Variants in ADGRL4 observed in about 807,000 individuals in gnomAD.
ADGRL4 encodes the protein adhesion G protein-coupled receptor L4.
In ADGRL4, 90 loss-of-function variants were observed where a neutral mutation model predicts 74.8. The observed-to-expected ratio is 1.20, with a 90% confidence interval of 1.02 to 1.43. The LOEUF (loss-of-function observed/expected upper bound fraction) is 1.43, where lower values mean the gene tolerates loss of function less well. Among genes scored for constraint, ADGRL4 ranks in the 40% most tolerant of loss-of-function variants. ADGRL4 has a pLI of 0.00. For synonymous variants in ADGRL4, 311 were observed against 279.2 expected (o/e 1.11, Z -1.14); for missense variants, 881 against 814.3 (o/e 1.08, Z -1.00).
At chr1:78,968,674 C>T (rs184992000) in intron 2 of ADGRL4, among the ~76,000 whole-genome samples, 165 of 152,076 alleles carry the variant, frequency 1.1e-3, no homozygotes, top group African/African-American at 3.5e-3. Flanking sequence ...GTGAGGAGCC[C>T]GGGTTGCTAG....
intron 2 of ADGRL4, among the ~76,000 whole-genome samples, chr1:78,982,154 A>T (rs1455710829): frequency 6.6e-6 from 1 of 151,912 alleles, no homozygotes; most frequent in Non-Finnish European, 1.5e-5. Context: ...TCACTAAAAC[A>T]CTTTCTAACT....
chr1:79,004,390 G>T (rs776399516), intron 2 of ADGRL4, among the ~76,000 whole-genome samples: 1 of 151,996 alleles, frequency 6.6e-6, no homozygotes, highest in African/African-American at 2.4e-5. Context: ...TGGGGTAGAG[G>T]TGACAACTAC....
At chr1:78,940,353 G>A (rs1389725489) in intron 3 of ADGRL4, among the ~76,000 whole-genome samples, 1 of 151,862 alleles carries the variant, frequency 6.6e-6, no homozygotes. Context: ...TTTTACTATG[G>A]TTCTTCATAC....
intron 8 of ADGRL4, among the ~76,000 whole-genome samples, chr1:78,923,220 G>A (rs903547696): frequency 2.0e-5 from 3 of 152,044 alleles, no homozygotes; most frequent in African/African-American, 7.2e-5. Flanking sequence ...GTGATTGTGC[G>A]TACCATTCAA....
chr1:78,976,911 T>C (rs1427535715), intron 2 of ADGRL4, among the ~76,000 whole-genome samples: 1 of 151,748 alleles, frequency 6.6e-6, no homozygotes, highest in East Asian at 1.9e-4. Flanking sequence ...AAGGAAATCC[T>C]TTCCATTTTA....
chr1:78,965,231 G>A (rs1650031239), intron 2 of ADGRL4, among the ~76,000 whole-genome samples: 1 of 152,026 alleles, frequency 6.6e-6, no homozygotes, highest in Non-Finnish European at 1.5e-5. Context: ...TCATATAAAT[G>A]TGACCCAATA....
Position 79,003,387 on chromosome 1 carries a change from T to C in ADGRL4, c.172+1683A>G, listed in dbSNP as rs375010268. Among the ~76,000 whole-genome samples, 268 of 144,564 alleles carry C rather than the reference T, an allele frequency of 1.9e-3. 1 individual carries two copies. The highest frequency in any genetic ancestry group is 6.2e-3 in the African/African-American group (240 of 38,522). The allele number at this position is 144,564 out of a possible 152,430, so 94.8% of individuals were successfully genotyped here. On this transcript the variant is annotated intron_variant, in intron 2 of 14. Transcript: ENST00000370742. ...AACATCAAAACAAGTGTATATGGAG[T>C]TTTTTTTTTTAAACAGAAAGGGAAT...
At position 78,937,870 on chromosome 1, in the gene ADGRL4, T is replaced by C; in HGVS notation, c.697A>G (p.Thr233Ala). ...TKLMHTVEQATLRISQSFQKT... is the reference protein window; with the variant it reads ...TKLMHTVEQAALRISQSFQKT... ...TGGAAGCTCTGGGATATCCTTAAAG[T>C]AGCTTGTTCAACAGTGTGCATGAGT... Residue 233 changes from threonine to alanine, a missense_variant, in exon 6 of 15, where the codon ACT becomes GCT. Physicochemically the swap from Thr to Ala is moderately conservative, Grantham distance 58. Transcript: ENST00000370742. 2 of 1,614,032 alleles carry C rather than the reference T, an allele frequency of 1.2e-6. No individual in the cohort carries two copies. The highest frequency in any genetic ancestry group is 1.7e-6 in the Non-Finnish European group (2 of 1,179,948).
intron 13 of ADGRL4, 58 bp from the exon 14 acceptor site, chr1:78,891,750 CA>C (rs1416856179): frequency 4.8e-5 from 68 of 1,419,462 alleles, no homozygotes; most frequent in Middle Eastern, 1.8e-4. Context: ...ACATATCTCC[CA>C]AATTACTCAA....
intron 12 of ADGRL4, among the ~76,000 whole-genome samples, chr1:78,911,621 A>G (rs1648764910): frequency 1.7e-4 from 1 of 5,870 alleles, no homozygotes; most frequent in African/African-American, 1.1e-3. Flanking sequence ...CTAAACACAC[A>G]CACACACACA....
intron 2 of ADGRL4, among the ~76,000 whole-genome samples, chr1:78,995,744 A>G: frequency 6.6e-6 from 1 of 152,260 alleles, no homozygotes; most frequent in East Asian, 1.9e-4. Flanking sequence ...TTGTAGGGAC[A>G]TCAATAAAGA....
chr1:78,898,445 C>A (rs893772334), intron 12 of ADGRL4, among the ~76,000 whole-genome samples: 6 of 151,762 alleles, frequency 4.0e-5, no homozygotes, highest in Non-Finnish European at 8.8e-5. Flanking sequence ...AATGTTAGTG[C>A]CAAAAAAGCA....
At chr1:78,941,838 A>T (rs532192004) in intron 3 of ADGRL4, among the ~76,000 whole-genome samples, 1 of 152,262 alleles carries the variant, frequency 6.6e-6, no homozygotes, top group South Asian at 2.1e-4. Flanking sequence ...GCTAATTAGA[A>T]GATCTAAATT....
At chr1:78,905,650 G>A (rs1648619552) in intron 12 of ADGRL4, among the ~76,000 whole-genome samples, 2 of 151,850 alleles carry the variant, frequency 1.3e-5, no homozygotes, top group South Asian at 2.1e-4. Flanking sequence ...TCTAGAATCC[G>A]AGGTCCACAA....
At chr1:78,963,414 C>T (rs1649992990) in intron 2 of ADGRL4, among the ~76,000 whole-genome samples, 1 of 152,098 alleles carries the variant, frequency 6.6e-6, no homozygotes, top group South Asian at 2.1e-4. Flanking sequence ...CTGAAGAGAC[C>T]CTGCCTAGAT....
chr1:78,943,433 A>T (rs1266803139), intron 3 of ADGRL4, among the ~76,000 whole-genome samples: 1 of 152,164 alleles, frequency 6.6e-6, no homozygotes, highest in East Asian at 1.9e-4. Context: ...TGCAGTGCTA[A>T]ATCTCACCCA....
At chr1:78,999,984 TA>T (rs934870225) in intron 2 of ADGRL4, among the ~76,000 whole-genome samples, 19 of 152,076 alleles carry the variant, frequency 1.2e-4, no homozygotes, top group Admixed American at 3.3e-4. Context: ...AAGTAGAAAA[TA>T]CATTGTGCAA....
intron 2 of ADGRL4, among the ~76,000 whole-genome samples, chr1:78,992,253 C>T (rs1037165385): frequency 6.6e-6 from 1 of 151,956 alleles, no homozygotes; most frequent in African/African-American, 2.4e-5. Context: ...CTTTCGGCAA[C>T]TTATTTGGGA....
chr1:78,980,926 G>A (rs953691733), intron 2 of ADGRL4, among the ~76,000 whole-genome samples: 3 of 151,946 alleles, frequency 2.0e-5, no homozygotes, highest in Non-Finnish European at 4.4e-5. Context: ...GCTGTTGCAC[G>A]ATCACTGATG....
Sources: gnomAD v4.1 joint callset for allele counts (sites outside exome capture counted in the v4.1 genomes callset) on GRCh38, gnomAD v4.1.1 for gene constraint, MANE v1.5 for transcripts, NCBI Gene and HGNC (gene_info 2026-07-23, HGNC 2026-07-21) for gene names.